The following IQSEC1 variants were observed in gnomAD, a reference collection of about 807,000 sequenced individuals.
The protein encoded by IQSEC1 is IQ motif and SEC7 domain-containing protein 1.
IQSEC1 carries 31 observed loss-of-function variants against 91.0 expected under a neutral mutation model. That is an observed-to-expected ratio of 0.34 (90% confidence interval 0.26 to 0.46). The LOEUF (loss-of-function observed/expected upper bound fraction) is 0.46, where lower values mean the gene tolerates loss of function less well. Ranked by LOEUF, IQSEC1 falls within the 20% of genes least tolerant of loss-of-function variation. IQSEC1 has a pLI of 1.00. For synonymous variants in IQSEC1, 699 were observed against 662.6 expected, an observed-to-expected ratio of 1.05 and a Z score of -0.84; for missense variants, 1,388 against 1,575.6, an observed-to-expected ratio of 0.88 and a Z score of 2.02.
chr3:13,190,872 C>A (rs986566643), intron 1 of IQSEC1, among the ~76,000 whole-genome samples: 3 of 152,166 alleles, frequency 2.0e-5, no homozygotes, highest in Admixed American at 2.0e-4. Context: ...GGGCTCTCTC[C>A]CTACCCCTCT....
intron 1 of IQSEC1, among the ~76,000 whole-genome samples, chr3:13,009,414 A>G (rs13084488): frequency 0.072 from 10,947 of 152,098 alleles, 766 homozygotes; most frequent in East Asian, 0.28. Context: ...GAGAAGCCTT[A>G]GGGCTGAAAA....
At chr3:13,120,929 G>C (rs1434483781) in intron 2 of IQSEC1, among the ~76,000 whole-genome samples, 2 of 152,142 alleles carry the variant, frequency 1.3e-5, no homozygotes, top group African/African-American at 4.8e-5. Flanking sequence ...ATATGGCCTC[G>C]GGGAATCCCA....
At chr3:13,235,177 T>C (rs921740666) in intron 1 of IQSEC1, among the ~76,000 whole-genome samples, 1 of 151,980 alleles carries the variant, frequency 6.6e-6, no homozygotes, top group African/African-American at 2.4e-5. Flanking sequence ...CAAAGTGGGG[T>C]GGGGCTGCCC....
In IQSEC1 at chr3:12,936,154, C is replaced by T. The variant is rs775020933; in HGVS notation, c.862G>A (p.Asp288Asn). 1 of 1,612,570 alleles carries T rather than the reference C, an allele frequency of 6.2e-7. No individual in the cohort carries two copies. Among genetic ancestry groups the T allele is most frequent in the African/African-American group, 1.3e-5 (1 of 74,934 alleles). The part of the protein sequence containing the change: ...KLDEMTASYS[D>N]VTLYIDEEEL... ...TCCTCATCGATGTACAGGGTGACAT[C>T]ACTGTACGAGGCCGTCATCTCGTCC... is the stretch of plus-strand genomic sequence containing the variant. The change falls in exon 3 of 14, where the codon GAT becomes AAT. Residue 288 changes from aspartate (D) to asparagine (N), a missense_variant. Asp to Asn is a conservative substitution (Grantham distance 23, BLOSUM62 1). Coordinates refer to ENST00000613206, the MANE Select transcript of IQSEC1 (RefSeq NM_001134382.3).
At position 13,235,791 on chromosome 3, in the gene IQSEC1, G is replaced by C. The variant is rs565774319; in HGVS notation, c.272+46920C>G. Among the ~76,000 whole-genome samples, 5 of 152,336 alleles carry C rather than the reference G, an allele frequency of 3.3e-5. No individual in the cohort carries two copies. In the South Asian group the frequency reaches 1.0e-3, roughly 32 times the overall value. The stretch of plus-strand genomic sequence containing the variant: ...GCTTAACATCCAGTGCCTGCAGAGA[G>C]GGGAGGGAGGGCAACACGGAACCAA... On this transcript the variant is annotated intron_variant, in intron 1 of 15. Transcript: ENST00000648114.
chr3:13,014,603 A>G (rs1703032241), intron 1 of IQSEC1, among the ~76,000 whole-genome samples: 1 of 152,164 alleles, frequency 6.6e-6, no homozygotes. Flanking sequence ...CCCAAGAGCC[A>G]GGGCTGGGGT....
chr3:13,026,808 A>G (rs371379144), intron 1 of IQSEC1, among the ~76,000 whole-genome samples: 17 of 145,738 alleles, frequency 1.2e-4, no homozygotes, highest in African/African-American at 4.4e-4. Flanking sequence ...GAGGAGATCT[A>G]TGTAGCTTAG....
At chr3:13,050,546 T>C (rs972483568) in intron 1 of IQSEC1, among the ~76,000 whole-genome samples, 3 of 152,198 alleles carry the variant, frequency 2.0e-5, no homozygotes, top group Non-Finnish European at 4.4e-5. Context: ...CATAGACTAG[T>C]GTATGTTGAG....
chr3:13,112,294 C>T lies in IQSEC1; in HGVS notation c.302+51810G>A, dbSNP rs555279825. Among the ~76,000 whole-genome samples the T allele has an allele frequency of 7.2e-5, 11 of 152,342 alleles. No homozygotes were observed. The South Asian group carries it at 1.2e-3, about 17-fold the overall frequency. ...GCTCTGCAGTGGACAGGGCAGCAAG[C>T]GCGGAGGTCACTAGCCAGCCCAGCC... On this transcript the variant is annotated intron_variant, in intron 2 of 15. Coordinates refer to the IQSEC1 transcript ENST00000648114.
At chr3:13,158,120 G>A (rs1308594166) in intron 2 of IQSEC1, among the ~76,000 whole-genome samples, 1 of 152,276 alleles carries the variant, frequency 6.6e-6, no homozygotes, top group Admixed American at 6.5e-5. Flanking sequence ...TGATTCCACC[G>A]TGCTAAGAAA....
chr3:12,928,702 AC>A (rs1222710130), intron 3 of IQSEC1, among the ~76,000 whole-genome samples: 1 of 152,186 alleles, frequency 6.6e-6, no homozygotes, highest in East Asian at 1.9e-4. Flanking sequence ...GCCCTGCCTC[AC>A]AGAGTTCCAC....
At chr3:13,093,893 C>T (rs1705911541) in intron 2 of IQSEC1, among the ~76,000 whole-genome samples, 1 of 152,204 alleles carries the variant, frequency 6.6e-6, no homozygotes, top group Admixed American at 6.5e-5. Context: ...GAGCATAAAT[C>T]CCTCTGTTCT....
At chr3:13,126,872 ATTAAGT>A (rs796409799) in intron 2 of IQSEC1, among the ~76,000 whole-genome samples, 2 of 152,290 alleles carry the variant, frequency 1.3e-5, no homozygotes, top group African/African-American at 4.8e-5. Flanking sequence ...TGCTCTTGGT[ATTAAGT>A]TTAAGACCTT....
chr3:13,103,577 C>T lies in IQSEC1; in HGVS notation c.303-56055G>A, dbSNP rs1706097947. Among the ~76,000 whole-genome samples the T allele has an allele frequency of 6.6e-6, 1 of 152,090 alleles. No homozygotes were observed. The highest frequency in any genetic ancestry group is 2.4e-5 in the African/African-American group (1 of 41,436). On this transcript the variant is annotated intron_variant, in intron 2 of 15. Transcript: ENST00000648114. This position sits in a 1 kb window ranked among gnomAD's most constrained non-coding sequence, Gnocchi z 4.1. ...AAGAATCAGGGAGGCCAAGCAGCAG[C>T]TGGCAAGAGCCAGAGCCGAGTGTGC...
At position 13,131,037 on chromosome 3, in the gene IQSEC1, A is replaced by AAAGGAAGGAAGGAAGGAAGG. The variant is rs59204175; in HGVS notation, c.302+33047_302+33066dup. Among the ~76,000 whole-genome samples the AAAGGAAGGAAGGAAGGAAGG allele has an allele frequency of 7.6e-3, 1,087 of 143,848 alleles. 21 individuals are homozygous for AAAGGAAGGAAGGAAGGAAGG. Among genetic ancestry groups the AAAGGAAGGAAGGAAGGAAGG allele is most frequent in the African/African-American group, 0.024 (924 of 38,734 alleles). 94.4% of individuals were successfully genotyped at this position (143,848 alleles called of 152,430 possible). ...AGGAACGGAAGGGAAGGAAGGAAGG[A>AAAGGAAGGAAGGAAGGAAGG]AAGGAAGGAAGGAAGGAAGGAAGGA... On this transcript the variant is annotated intron_variant, in intron 2 of 15. Coordinates refer to the IQSEC1 transcript ENST00000648114.
rs1162305143 is a variant in IQSEC1 at position 13,073,113 on chromosome 3, G to T, written c.-99C>A. ...AGGCGGCTCAGGCAAGAAGTGGAGG[G>T]GAATAAAATTAAATCGCGGGGCGAG... is the stretch of plus-strand genomic sequence containing the variant. On this transcript the variant is annotated 5_prime_UTR_variant, in exon 1 of 14. Transcript: ENST00000613206. 7 of 1,416,806 alleles carry T rather than the reference G, an allele frequency of 4.9e-6. No individual in the cohort carries two copies. The Admixed American group carries it at 1.4e-4, about 28-fold the overall frequency. 87.8% of individuals were successfully genotyped at this position (1,416,806 alleles called of 1,614,324 possible). A position where few individuals can be genotyped will look rare whatever the true frequency, so the allele number is the denominator to read the frequency against.
chr3:12,960,993 C>A (rs1276218278), intron 1 of IQSEC1, among the ~76,000 whole-genome samples: 1 of 152,248 alleles, frequency 6.6e-6, no homozygotes, highest in Non-Finnish European at 1.5e-5. Flanking sequence ...GAAACAGGAT[C>A]CAAGTTTCTC....
intron 1 of IQSEC1, among the ~76,000 whole-genome samples, chr3:13,065,709 T>C (rs984607948): frequency 4.6e-5 from 7 of 152,140 alleles, no homozygotes; most frequent in Non-Finnish European, 8.8e-5. Flanking sequence ...CCAATCACAA[T>C]CTGACCCAGC....
intron 6 of IQSEC1, among the ~76,000 whole-genome samples, chr3:12,918,026 C>G (rs987399477): frequency 6.6e-6 from 1 of 152,172 alleles, no homozygotes. Flanking sequence ...AAAGGACAAG[C>G]TGTCCATGCA....
Sources: allele counts gnomAD v4.1 joint callset (sites outside exome capture counted in the v4.1 genomes callset), GRCh38; gene constraint gnomAD v4.1.1; non-coding constraint Gnocchi (gnomAD v3.1); transcripts MANE v1.5; gene names NCBI Gene and HGNC (gene_info 2026-07-23, HGNC 2026-07-21).